The following PPP1CB variants were observed in gnomAD, a reference collection of about 807,000 sequenced individuals.
PPP1CB encodes the protein serine/threonine-protein phosphatase PP1-beta catalytic subunit.
A neutral mutation model predicts 43.7 loss-of-function variants in PPP1CB; 2 were observed. The observed-to-expected ratio is 0.05, with a 90% CI of 0.02 to 0.14. PPP1CB has a LOEUF of 0.14. Ranked by LOEUF, PPP1CB falls within the 10% of genes least tolerant of loss-of-function variation. The probability of loss-of-function intolerance (pLI) is 1.00; values close to 1 mark genes in which losing one functional copy is unlikely to be tolerated. For missense variants in PPP1CB, 84 were observed against 398.0 expected (o/e 0.21, Z 6.71); for synonymous variants, 136 against 135.6 (o/e 1.00, Z -0.02).
chr2:28,772,172 G>T (rs1666928853), intron 1 of PPP1CB, among the ~76,000 whole-genome samples: 2 of 152,078 alleles, frequency 1.3e-5, no homozygotes, highest in African/African-American at 4.8e-5. Flanking sequence ...GCTGGGCATG[G>T]TGGTGTGCAC....
At chr2:28,754,547 A>G (rs1666436579) in intron 1 of PPP1CB, among the ~76,000 whole-genome samples, 1 of 152,138 alleles carries the variant, frequency 6.6e-6, no homozygotes, top group Non-Finnish European at 1.5e-5. Flanking sequence ...CACACATTCT[A>G]TCAGTACTTC....
intron 5 of PPP1CB, among the ~76,000 whole-genome samples, chr2:28,787,256 G>A (rs766242029): frequency 3.3e-5 from 5 of 152,078 alleles, no homozygotes; most frequent in Non-Finnish European, 5.9e-5. Flanking sequence ...TTAGGAGATC[G>A]AGACCATCCT....
chr2:28,764,634 G>T (rs939905674), intron 1 of PPP1CB, among the ~76,000 whole-genome samples: 1 of 152,046 alleles, frequency 6.6e-6, no homozygotes, highest in African/African-American at 2.4e-5. Flanking sequence ...GGGGGTGGGG[G>T]TTGAGTAAGA....
intron 1 of PPP1CB, among the ~76,000 whole-genome samples, chr2:28,752,751 G>T (rs1666352960): frequency 6.6e-6 from 1 of 152,202 alleles, no homozygotes; most frequent in Non-Finnish European, 1.5e-5. Flanking sequence ...AAATTAGCGG[G>T]AATTAATCTA....
At chr2:28,783,792 A>G (rs1667205900) in intron 4 of PPP1CB, 115 bp from the exon 5 acceptor site, 2 of 698,310 alleles carry the variant, frequency 2.9e-6, no homozygotes, top group Admixed American at 5.4e-5. Flanking sequence ...AACACTTTTC[A>G]GTATCTTTAA....
chr2:28,775,054 G>A (rs1667004844), intron 1 of PPP1CB, among the ~76,000 whole-genome samples: 1 of 150,408 alleles, frequency 6.6e-6, no homozygotes, highest in African/African-American at 2.4e-5. Flanking sequence ...TTTTTTTAAA[G>A]CCTCTTATTG....
intron 1 of PPP1CB, among the ~76,000 whole-genome samples, chr2:28,767,360 G>GC (rs1553309599): frequency 1.3e-5 from 2 of 148,204 alleles, no homozygotes; most frequent in Non-Finnish European, 3.0e-5. Flanking sequence ...ATATGTTGTG[G>GC]TTTTTTTTTT....
intron 6 of PPP1CB, among the ~76,000 whole-genome samples, chr2:28,790,076 G>A (rs1342672735): frequency 6.6e-6 from 1 of 152,234 alleles, no homozygotes; most frequent in East Asian, 1.9e-4. Flanking sequence ...AGCCCCAGGA[G>A]CTGGAGACCA....
intron 1 of PPP1CB, among the ~76,000 whole-genome samples, chr2:28,775,570 C>A (rs575612472): frequency 6.6e-6 from 1 of 152,022 alleles, no homozygotes; most frequent in Non-Finnish European, 1.5e-5. Context: ...TGACACAGGG[C>A]CTTGCTTTGC....
intron 1 of PPP1CB, among the ~76,000 whole-genome samples, chr2:28,771,055 C>CCCCCCCCTT (rs1558302176): frequency 3.4e-5 from 2 of 59,600 alleles, no homozygotes; most frequent in Non-Finnish European, 6.4e-5. Context: ...CCCCCCCACC[C>CCCCCCCCTT]TTTTTTTTTT....
intron 1 of PPP1CB, among the ~76,000 whole-genome samples, chr2:28,762,090 G>A (rs1454323359): frequency 1.3e-5 from 2 of 152,154 alleles, no homozygotes; most frequent in Non-Finnish European, 2.9e-5. Flanking sequence ...TTCAAGACCA[G>A]CCTGGGCAAC....
At chr2:28,754,810 T>C (rs991530078) in intron 1 of PPP1CB, among the ~76,000 whole-genome samples, 5 of 152,244 alleles carry the variant, frequency 3.3e-5, no homozygotes, top group African/African-American at 1.2e-4. Flanking sequence ...GTGTTTTTAG[T>C]GTCAAATGAA....
intron 1 of PPP1CB, among the ~76,000 whole-genome samples, chr2:28,753,544 C>T (rs1023558395): frequency 2.0e-5 from 3 of 152,180 alleles, no homozygotes; most frequent in African/African-American, 7.2e-5. Flanking sequence ...GGGAGGCCCC[C>T]TGGTGCCTGC....
intron 4 of PPP1CB, among the ~76,000 whole-genome samples, chr2:28,783,630 G>C (rs556320274): frequency 6.6e-6 from 1 of 151,938 alleles, no homozygotes. Context: ...GGTGGCGCGC[G>C]TCTGTAGTCC....
chr2:28,783,833 G>A, intron 4 of PPP1CB, 74 bp from the exon 5 acceptor site: 1 of 980,328 alleles, frequency 1.0e-6, no homozygotes, highest in Non-Finnish European at 1.6e-6. Context: ...TTGATTAAAT[G>A]CTTTTTATTC....
chr2:28,754,885 C>G (rs970317130), intron 1 of PPP1CB, among the ~76,000 whole-genome samples: 1 of 152,290 alleles, frequency 6.6e-6, no homozygotes, highest in Admixed American at 6.5e-5. Context: ...AGGACCTGAT[C>G]TCATTTTAAA....
chr2:28,767,800 A>T (rs1485105377), intron 1 of PPP1CB, among the ~76,000 whole-genome samples: 1 of 152,220 alleles, frequency 6.6e-6, no homozygotes, highest in Admixed American at 6.5e-5. Context: ...TAAAAAATGT[A>T]AAAAATTATT....
At chr2:28,788,903 G>A (rs1667329997) in intron 6 of PPP1CB, 94 bp downstream of exon 6, 1 of 1,291,920 alleles carries the variant, frequency 7.7e-7, no homozygotes, top group South Asian at 1.6e-5. Flanking sequence ...TGTCACCCAG[G>A]CTGGAGTGCA....
Position 28,752,072 on chromosome 2 carries a change from C to A in PPP1CB, c.-53C>A. On this transcript the variant is annotated 5_prime_UTR_variant, in exon 1 of 8. Coordinates refer to ENST00000395366, the MANE Select transcript of PPP1CB (RefSeq NM_002709.3). ...CGCCGAGCCGTCGCCGCAGCCTCCG[C>A]CGCCGAGAAGCCCTTGTTCCCGCTG... The A allele has an allele frequency of 1.3e-6, 2 of 1,532,622 alleles. No homozygotes were observed. Among genetic ancestry groups the A allele is most frequent in the Non-Finnish European group, 1.8e-6 (2 of 1,130,488 alleles). 94.9% of individuals were successfully genotyped at this position (1,532,622 alleles called of 1,614,324 possible).
Sources: gnomAD v4.1 joint callset for allele counts (sites outside exome capture counted in the v4.1 genomes callset) on GRCh38, gnomAD v4.1.1 for gene constraint, MANE v1.5 for transcripts, NCBI Gene and HGNC (gene_info 2026-07-23, HGNC 2026-07-21) for gene names.